ABTB2: variants seen among roughly 807,000 people sequenced by gnomAD.
ABTB2 encodes the protein ankyrin repeat and BTB domain containing 2.
In ABTB2, 56 loss-of-function variants were observed where a neutral mutation model predicts 104.1. The observed-to-expected ratio is 0.54, with a 90% CI of 0.43 to 0.67. The LOEUF is 0.67. ABTB2 is among the 30% of genes least tolerant of loss of function. The probability of loss-of-function intolerance (pLI) is 0.00; values close to 1 mark genes in which losing one functional copy is unlikely to be tolerated. For synonymous variants in ABTB2, 606 were observed against 608.2 expected (o/e 1.00, Z 0.05); for missense variants, 1,279 against 1,407.7 (o/e 0.91, Z 1.46).
intron 1 of ABTB2, among the ~76,000 whole-genome samples, chr11:34,243,527 C>A (rs967657437): frequency 3.3e-5 from 5 of 152,354 alleles, no homozygotes; most frequent in Admixed American, 1.3e-4. Context: ...ACACTGCAAG[C>A]ACCCTTGCTC....
At chr11:34,355,825 C>A (rs1855459229) in intron 1 of ABTB2, among the ~76,000 whole-genome samples, 1 of 152,250 alleles carries the variant, frequency 6.6e-6, no homozygotes, top group Non-Finnish European at 1.5e-5. Flanking sequence ...AGGTCATGTG[C>A]TTTGTTTCCA....
chr11:34,323,739 T>C (rs1313354876), intron 1 of ABTB2, among the ~76,000 whole-genome samples: 3 of 152,184 alleles, frequency 2.0e-5, no homozygotes, highest in Non-Finnish European at 4.4e-5. Flanking sequence ...TGACCTAGTA[T>C]AGCTTGCACA....
chr11:34,351,919 T>C (rs1288929266), intron 1 of ABTB2, among the ~76,000 whole-genome samples: 1 of 149,878 alleles, frequency 6.7e-6, no homozygotes, highest in African/African-American at 2.5e-5. Flanking sequence ...GGGTTGCCTT[T>C]CTCAGGCGTG....
rs762201172 is a variant in ABTB2 at position 34,164,693 on chromosome 11, C to T, written c.1981G>A (p.Gly661Ser). The T allele has an allele frequency of 5.3e-6, 8 of 1,513,182 alleles. No homozygotes were observed. The highest frequency in any genetic ancestry group is 2.9e-5 in the African/African-American group (2 of 68,576). The allele number at this position is 1,513,182 out of a possible 1,614,324, so 93.7% of individuals were successfully genotyped here. A position where few individuals can be genotyped will look rare whatever the true frequency, so the allele number is the denominator to read the frequency against. ...MNCFSHSAAH[G>S]HRNVLRKLLT... ...GGAATCCCGGGCAGGTACCTGTGGC[C>T]GTGGGCAGCTGAGTGGCTGAAGCAG... The change falls in exon 9 of 17, where the codon GGC becomes AGC. Residue 661 changes from glycine (G) to serine (S), a missense_variant. Gly to Ser is a moderately conservative substitution (Grantham distance 56). Coordinates refer to ENST00000435224, the MANE Select transcript of ABTB2 (RefSeq NM_145804.3).
chr11:34,225,924 C>T (rs1270083841), intron 1 of ABTB2, among the ~76,000 whole-genome samples: 5 of 151,980 alleles, frequency 3.3e-5, no homozygotes, highest in African/African-American at 1.2e-4. Context: ...CGCTATCAAG[C>T]CAGGTGCGGT....
At chr11:34,162,081 C>A (rs1852728732) in intron 10 of ABTB2, among the ~76,000 whole-genome samples, 1 of 152,216 alleles carries the variant, frequency 6.6e-6, no homozygotes, top group Non-Finnish European at 1.5e-5. Context: ...GGAGTTGAGG[C>A]TTGGAGAGAG....
chr11:34,271,132 G>A (rs532650664), intron 1 of ABTB2, among the ~76,000 whole-genome samples: 1 of 152,316 alleles, frequency 6.6e-6, no homozygotes, highest in South Asian at 2.1e-4. Context: ...GCTTTTAGAA[G>A]TAGATGATGA....
At chr11:34,238,472 A>G (rs1321499979) in intron 1 of ABTB2, among the ~76,000 whole-genome samples, 2 of 152,250 alleles carry the variant, frequency 1.3e-5, no homozygotes, top group Non-Finnish European at 2.9e-5. Context: ...CTTAGTATCT[A>G]GCACAGTACC....
intron 1 of ABTB2, among the ~76,000 whole-genome samples, chr11:34,224,171 C>T (rs1472806640): frequency 6.6e-6 from 1 of 152,122 alleles, no homozygotes; most frequent in East Asian, 1.9e-4. Flanking sequence ...TGCCACCACA[C>T]CCAGCTAATT....
chr11:34,161,355 C>T (rs72910821), intron 10 of ABTB2, among the ~76,000 whole-genome samples: 4,148 of 152,252 alleles, frequency 0.027, 96 homozygotes, highest in Non-Finnish European at 0.037. Context: ...TGGCTTCGGC[C>T]CAAATGCAGG....
intron 5 of ABTB2, among the ~76,000 whole-genome samples, chr11:34,168,978 C>T (rs942233226): frequency 6.6e-6 from 1 of 152,242 alleles, no homozygotes; most frequent in African/African-American, 2.4e-5. Context: ...CTCATAAATC[C>T]TTGCCTAGTG....
chr11:34,162,834 G>A, intron 9 of ABTB2, 29 bp from the exon 10 acceptor site: 1 of 1,572,408 alleles, frequency 6.4e-7, no homozygotes, highest in Non-Finnish European at 8.6e-7. Context: ...ATGAAGGTGA[G>A]GGCTGAAGTC....
At chr11:34,204,822 T>G in intron 1 of ABTB2, 132 bp from the exon 2 acceptor site, 7 of 1,065,492 alleles carry the variant, frequency 6.6e-6, no homozygotes, top group Non-Finnish European at 9.2e-6. Context: ...GTAAAATCTC[T>G]CTGAGCCTTG....
chr11:34,237,952 C>T (rs1853866777), intron 1 of ABTB2, among the ~76,000 whole-genome samples: 1 of 152,118 alleles, frequency 6.6e-6, no homozygotes, highest in South Asian at 2.1e-4. Flanking sequence ...CACACTCTCA[C>T]TAAGTCTTTA....
At position 34,341,856 on chromosome 11, in the gene ABTB2, G is replaced by T. The variant is rs528474591; in HGVS notation, c.883+14845C>A. Among the ~76,000 whole-genome samples, 15 of 152,280 alleles carry T rather than the reference G, an allele frequency of 9.9e-5. No homozygotes were observed. The South Asian group carries it at 3.1e-3, about 32-fold the overall frequency. ...TCTGATCTTGGAACGTTTTCAGCTG[G>T]AAGAGAGAAATGGCCATTTCCAAAA... On this transcript the variant is annotated intron_variant, in intron 1 of 16. Coordinates refer to ENST00000435224, the MANE Select transcript of ABTB2 (RefSeq NM_145804.3).
At position 34,357,094 on chromosome 11, in the gene ABTB2, G is replaced by A. The variant is rs1401753382; in HGVS notation, c.490C>T (p.Leu164=). ...TCGGCCAGCGCCCAGCTGTGCACCA[G>A]GCGCACGGCGCTCTGCACCTCAAAG... ...TRFEVQSAVR[L]VHSWALAESC... is the part of the protein sequence containing the mutation. Residue 164 remains leucine (L), a synonymous_variant, in exon 1 of 17, where the codon CTG becomes TTG. Transcript: ENST00000435224. The A allele has an allele frequency of 5.3e-6, 8 of 1,518,510 alleles. No individual in the cohort carries two copies. The Admixed American group carries it at 1.2e-4, about 24-fold the overall frequency. 94.1% of individuals were successfully genotyped at this position (1,518,510 alleles called of 1,614,324 possible).
chr11:34,245,074 T>G (rs1195759273), intron 1 of ABTB2, among the ~76,000 whole-genome samples: 1 of 152,236 alleles, frequency 6.6e-6, no homozygotes. Context: ...ATAAAGCACT[T>G]GCCTTAGGAT....
chr11:34,264,272 T>A (rs1854221753), intron 1 of ABTB2, among the ~76,000 whole-genome samples: 1 of 152,168 alleles, frequency 6.6e-6, no homozygotes, highest in Non-Finnish European at 1.5e-5. Context: ...AGTTTCTTCC[T>A]CTGTGAGATG....
At position 34,154,757 on chromosome 11, in the gene ABTB2, A is replaced by T; in HGVS notation, c.2710T>A (p.Tyr904Asn). 1 of 1,614,074 alleles carries T rather than the reference A, an allele frequency of 6.2e-7. No individual in the cohort carries two copies. Among genetic ancestry groups the T allele is most frequent in the Non-Finnish European group, 8.5e-7 (1 of 1,179,962 alleles). The change falls in exon 15 of 17, where the codon TAT (tyrosine) becomes AAT (asparagine). Residue 904 changes from tyrosine (Y) to asparagine (N), a missense_variant. Transcript: ENST00000435224. The surrounding 1 kb of genome is among the most constrained non-coding windows in gnomAD (Gnocchi z 4.9). ...KYHIFQMMMQ[Y>N]LYYGGTESME... ...GATTCTGTTCCTCCGTAGTACAGAT[A>T]CTGCATCATCATCTGTGGTGGGAAG...
Sources: allele counts gnomAD v4.1 joint callset (sites outside exome capture counted in the v4.1 genomes callset), GRCh38; gene constraint gnomAD v4.1.1; non-coding constraint Gnocchi (gnomAD v3.1); transcripts MANE v1.5; gene names NCBI Gene and HGNC (gene_info 2026-07-23, HGNC 2026-07-21).